Variants in MYO16 observed in about 807,000 individuals in gnomAD.
The protein encoded by MYO16 is unconventional myosin-XVI.
In MYO16, 94 loss-of-function variants were observed where a neutral mutation model predicts 205.3. That is an observed-to-expected ratio of 0.46 (90% CI 0.39 to 0.54). The LOEUF is 0.54. Among genes scored for constraint, MYO16 ranks in the 20% least tolerant of loss-of-function variants. The probability of loss-of-function intolerance (pLI) is 0.00; values close to 1 mark genes in which losing one functional copy is unlikely to be tolerated. For missense variants in MYO16, 2,315 were observed against 2,387.5 expected (o/e 0.97, Z 0.63); for synonymous variants, 988 against 954.0 (o/e 1.04, Z -0.66).
At chr13:108,655,329 T>G (rs1881194322) in intron 1 of MYO16, among the ~76,000 whole-genome samples, 1 of 152,006 alleles carries the variant, frequency 6.6e-6, no homozygotes, top group Non-Finnish European at 1.5e-5. Context: ...TGTCAGGGAG[T>G]GCAAGCCACA....
intron 13 of MYO16, among the ~76,000 whole-genome samples, chr13:108,884,823 CAG>C (rs1437726105): frequency 4.0e-5 from 6 of 151,614 alleles, no homozygotes; most frequent in Non-Finnish European, 7.4e-5. Flanking sequence ...GGCGCTGAGA[CAG>C]GGGCTCTCAC....
intron 3 of MYO16, among the ~76,000 whole-genome samples, chr13:108,726,002 T>C (rs985564074): frequency 2.0e-5 from 3 of 152,178 alleles, no homozygotes; most frequent in South Asian, 2.1e-4. Flanking sequence ...TGGTCTCTGT[T>C]ACAGGGAAGC....
At chr13:109,010,454 A>G (rs949354348) in intron 22 of MYO16, among the ~76,000 whole-genome samples, 5 of 152,238 alleles carry the variant, frequency 3.3e-5, no homozygotes, top group East Asian at 3.8e-4. Context: ...CTAGTAATCA[A>G]CCACCTTATC....
At chr13:108,599,232 A>G (rs920695379) in intron 1 of MYO16, among the ~76,000 whole-genome samples, 1 of 149,988 alleles carries the variant, frequency 6.7e-6, no homozygotes, top group African/African-American at 2.5e-5. Context: ...TTCTTAATCC[A>G]GTCTATCATT....
At chr13:108,967,605 G>C (rs1883844811) in intron 20 of MYO16, among the ~76,000 whole-genome samples, 1 of 152,140 alleles carries the variant, frequency 6.6e-6, no homozygotes, top group East Asian at 1.9e-4. Context: ...ACACGTAGTG[G>C]CACTTTAAAT....
chr13:108,632,550 C>T (rs531021540), intron 1 of MYO16, among the ~76,000 whole-genome samples: 4 of 152,030 alleles, frequency 2.6e-5, no homozygotes, highest in African/African-American at 9.7e-5. Context: ...GCTTCAAGGT[C>T]GAAACTTAAT....
rs773141635 is a variant in MYO16, at chr13:109,141,468, G to C, written c.5164+92G>C. The C allele has an allele frequency of 6.5e-6, 6 of 930,082 alleles. No homozygotes were observed. The highest frequency in any genetic ancestry group is 8.9e-6 in the Non-Finnish European group (6 of 674,904). The allele number at this position is 930,082 out of a possible 1,614,324, so 57.6% of individuals were successfully genotyped here. ...TCCGTGTCTGCGCAGATGTGAAATAGTAAAGTTTCAGGTGATGGCCGTGGT... is the reference window on the plus strand; with the variant it reads ...TCCGTGTCTGCGCAGATGTGAAATACTAAAGTTTCAGGTGATGGCCGTGGT... On this transcript the variant is annotated intron_variant, in intron 32 of 34. Transcript: ENST00000457511. The surrounding 1 kb of genome is among the most constrained non-coding windows in gnomAD (Gnocchi z 4.1).
rs917212705 is a variant in MYO16, at chr13:108,898,566, C to T, written c.1777+433C>T. ...CTGAACATAGAAACAAACTCAAATA[C>T]TTTAATTAAATAAATAATACCTTAG... On this transcript the variant is annotated intron_variant, in intron 15 of 34. Transcript: ENST00000457511. 4.6e-5 allele frequency among the ~76,000 whole-genome samples: 7 copies of T among 151,994 alleles called. No homozygotes were observed. The East Asian group carries it at 1.3e-3, about 29-fold the overall frequency.
intron 3 of MYO16, among the ~76,000 whole-genome samples, chr13:108,719,772 A>G (rs1884090274): frequency 6.6e-6 from 1 of 152,124 alleles, no homozygotes; most frequent in African/African-American, 2.4e-5. Flanking sequence ...GACTCCATAG[A>G]ATGCTATGTA....
At chr13:108,651,954 TA>T (rs1332837752) in intron 1 of MYO16, among the ~76,000 whole-genome samples, 1 of 152,194 alleles carries the variant, frequency 6.6e-6, no homozygotes, top group Admixed American at 6.5e-5. Context: ...AAGGAGGGGT[TA>T]TTTTTTTTAG....
intron 15 of MYO16, among the ~76,000 whole-genome samples, chr13:108,901,472 G>C (rs1023212301): frequency 6.6e-6 from 1 of 152,154 alleles, no homozygotes; most frequent in African/African-American, 2.4e-5. Context: ...GAAATATCGG[G>C]GGTGAATTTC....
chr13:108,972,975 G>A (rs948865737), intron 20 of MYO16, among the ~76,000 whole-genome samples: 1 of 152,058 alleles, frequency 6.6e-6, no homozygotes, highest in Non-Finnish European at 1.5e-5. Context: ...CTGAGATGGG[G>A]AAGATATTGG....
At chr13:108,613,477 A>G (rs990599243) in intron 1 of MYO16, among the ~76,000 whole-genome samples, 1 of 152,124 alleles carries the variant, frequency 6.6e-6, no homozygotes, top group Non-Finnish European at 1.5e-5. Context: ...ACTTAGTGTC[A>G]TAATAGATGA....
chr13:108,957,735 C>G lies in MYO16; in HGVS notation c.1973C>G (p.Ser658Cys). ...GATGATGCATCCACAGGGGAGCGTT[C>G]TCTGAACAGGGAGAAATTGGCTGTT... Reference protein sequence around the residue: ...IQDDASTGERSLNREKLAVLK... With the variant: ...IQDDASTGERCLNREKLAVLK... The change falls in exon 17 of 35, where the codon TCT becomes TGT. Residue 658 changes from serine (S) to cysteine (C), a missense_variant. Around this residue, in one of 3 missense-constraint regions of MYO16, gnomAD observed 1,213 missense variants for 1,274.4 expected, o/e 0.95. Transcript: ENST00000457511. 6.2e-7 allele frequency: 1 copy of G among 1,613,602 alleles called. No individual in the cohort carries two copies. Among genetic ancestry groups the G allele is most frequent in the Admixed American group, 1.7e-5 (1 of 60,022 alleles).
chr13:109,167,895 A>T lies in MYO16; in HGVS notation c.5323+2836A>T, dbSNP rs142689222. Among the ~76,000 whole-genome samples the T allele has an allele frequency of 1.5e-3, 226 of 152,338 alleles. 1 individual carries two copies. Among genetic ancestry groups the T allele is most frequent in the African/African-American group, 3.9e-3 (164 of 41,574 alleles). On this transcript the variant is annotated intron_variant, in intron 33 of 34. Transcript: ENST00000457511. ...AAGGATATTTTTAGGAAAAAAAATA[A>T]AAATGAAAGGAATTAAACACTGACA...
At chr13:109,076,250 A>T (rs1888098787) in intron 27 of MYO16, among the ~76,000 whole-genome samples, 2 of 152,300 alleles carry the variant, frequency 1.3e-5, no homozygotes, top group South Asian at 2.1e-4. Flanking sequence ...AATCGATTTC[A>T]TTAATTTCAG....
chr13:108,922,542 C>A (rs1468409249), intron 16 of MYO16, among the ~76,000 whole-genome samples: 1 of 152,178 alleles, frequency 6.6e-6, no homozygotes, highest in Non-Finnish European at 1.5e-5. Context: ...ACTTTCTTCA[C>A]GTCTAAAATC....
At chr13:108,765,518 A>G (rs1316546816) in intron 4 of MYO16, among the ~76,000 whole-genome samples, 1 of 152,080 alleles carries the variant, frequency 6.6e-6, no homozygotes, top group Admixed American at 6.5e-5. Flanking sequence ...CAACTCTTTT[A>G]GATGGTTCTC....
chr13:108,717,363 C>T (rs1490980838), intron 3 of MYO16, among the ~76,000 whole-genome samples: 1 of 56 alleles, frequency 0.018, no homozygotes, highest in Non-Finnish European at 0.036. Flanking sequence ...GGCATGGTGA[C>T]TCACGCCCTG....
Sources: allele counts gnomAD v4.1 joint callset (sites outside exome capture counted in the v4.1 genomes callset), GRCh38; gene constraint gnomAD v4.1.1; regional missense constraint gnomAD v4.1.1; non-coding constraint Gnocchi (gnomAD v3.1); transcripts MANE v1.5; gene names NCBI Gene and HGNC (gene_info 2026-07-23, HGNC 2026-07-21).